STAT5A: variants seen among roughly 807,000 people sequenced by gnomAD.
STAT5A encodes epididymis secretory sperm binding protein.
In STAT5A, 26 loss-of-function variants were observed where a neutral mutation model predicts 100.2. That is an observed-to-expected ratio of 0.26 (90% CI 0.19 to 0.36). STAT5A has a LOEUF of 0.36. Among genes scored for constraint, STAT5A ranks in the 10% least tolerant of loss-of-function variants. The pLI is 1.00. For synonymous variants in STAT5A, 330 were observed against 424.3 expected, an observed-to-expected ratio of 0.78 and a Z score of 2.73; for missense variants, 634 against 1,027.5, an observed-to-expected ratio of 0.62 and a Z score of 5.24.
chr17:42,307,723 C>T lies in STAT5A; in HGVS notation c.1906C>T (p.Pro636Ser), dbSNP rs140676473. ...GITIAWKFDS[P>S]ERNLWNLKPF... ...CACCATCGCCTGGAAGTTTGACTCCCGTGAGTGCCCGTTTTGCCCACACTC... is the reference window on the plus strand; with the variant it reads ...CACCATCGCCTGGAAGTTTGACTCCTGTGAGTGCCCGTTTTGCCCACACTC... Residue 636 changes from proline to serine, a missense_variant and splice_region_variant, in exon 15 of 19, where the codon CCG becomes TCG. Coordinates refer to ENST00000590949, the MANE Select transcript of STAT5A (RefSeq NM_001288718.2). 5.0e-6 allele frequency: 8 copies of T among 1,613,482 alleles called. No individual in the cohort carries two copies. Among genetic ancestry groups the T allele is most frequent in the East Asian group, 2.2e-5 (1 of 44,880 alleles).
In STAT5A at chr17:42,301,285, A is replaced by C. The variant is rs756477925; in HGVS notation, c.1000A>C (p.Ile334Leu). 3 of 1,613,470 alleles carry C rather than the reference A, an allele frequency of 1.9e-6. No homozygotes were observed. In the East Asian group the frequency reaches 6.7e-5, roughly 36 times the overall value. ...CTGTGTCCCATGCAGCACATTCATC[A>C]TTGAGAAGCAGCCTCCTCAGGTCCT... ...ISALVTSTFI[I>L]EKQPPQVLKT... is the part of the protein sequence containing the mutation. Residue 334 changes from isoleucine (I) to leucine (L), a missense_variant, in exon 9 of 19, where the codon ATT becomes CTT. Ile to Leu is a conservative substitution (Grantham distance 5). Around this residue, in one of 5 missense-constraint regions of STAT5A, gnomAD observed 98 missense variants for 149.7 expected, o/e 0.65. Coordinates refer to ENST00000590949, the MANE Select transcript of STAT5A (RefSeq NM_001288718.2).
Position 42,304,638 on chromosome 17 carries a change from G to A in STAT5A, c.1366G>A (p.Val456Met). ...GTTCAGTGTTGGCAGCAATGAGCTT[G>A]TGTTCCAGGTGAAGGTGAGACCCCC... The part of the protein sequence containing the change: ...SQFSVGSNEL[V>M]FQVKTLSLPV... The change falls in exon 11 of 19, where the codon GTG (valine) becomes ATG (methionine). Residue 456 changes from valine (V) to methionine (M), a missense_variant. By Grantham distance (21) the Val-to-Met change is conservative. Coordinates refer to ENST00000590949, the MANE Select transcript of STAT5A (RefSeq NM_001288718.2). The surrounding 1 kb of genome is among the most constrained non-coding windows in gnomAD (Gnocchi z 4.8). 3 of 1,614,184 alleles carry A rather than the reference G, an allele frequency of 1.9e-6. No individual in the cohort carries two copies. The highest frequency in any genetic ancestry group is 2.5e-6 in the Non-Finnish European group (3 of 1,180,034).
intron 18 of STAT5A, 140 bp downstream of exon 18, chr17:42,309,624 CAG>C (rs988705515): frequency 1.2e-6 from 1 of 816,474 alleles, no homozygotes; most frequent in Non-Finnish European, 1.9e-6. Context: ...GCCAGGAAAA[CAG>C]AGCATTTTGA....
rs2081051205 is a variant in STAT5A, at chr17:42,308,530, AGCTCTCTTCTCT to A, written c.2062+200_2062+211del. 1.6e-5 allele frequency: 11 copies of A among 684,362 alleles called. No homozygotes were observed. The highest frequency in any genetic ancestry group is 2.4e-5 in the Non-Finnish European group (10 of 415,502). The allele number at this position is 684,362 out of a possible 1,614,324, so 42.4% of individuals were successfully genotyped here. On this transcript the variant is annotated intron_variant, in intron 16 of 18. Transcript: ENST00000590949. This position sits in a 1 kb window ranked among gnomAD's most constrained non-coding sequence, Gnocchi z 4.6. ...GGAGAGGGAACGAGAAACCCGTCCC[AGCTCTCTTCTCT>A]GCAAAGTGAAAGCTGCATGGATTCT...
Position 42,310,587 on chromosome 17 carries a change from T to TA in STAT5A, c.2304dup (p.Arg769ThrfsTer8). ...GTGGCCAGGCACGTGGAGGAACTCT[T>TA]ACGCCGACCAATGGACAGTCTTGAC... is the stretch of plus-strand genomic sequence containing the variant. On this transcript the variant is annotated frameshift_variant, in exon 19 of 19. Transcript: ENST00000590949. LOFTEE classifies it low-confidence loss of function (END_TRUNC). 3 of 1,614,248 alleles carry TA rather than the reference T, an allele frequency of 1.9e-6. No homozygotes were observed. The highest frequency in any genetic ancestry group is 2.5e-6 in the Non-Finnish European group (3 of 1,180,046).
chr17:42,306,797 G>A lies in STAT5A; in HGVS notation c.1680+350G>A, dbSNP rs190389943. Among the ~76,000 whole-genome samples the A allele has an allele frequency of 1.4e-4, 21 of 151,912 alleles. No individual in the cohort carries two copies. In the East Asian group the frequency reaches 3.9e-3, roughly 28 times the overall value. Reference sequence around the variant, plus strand: ...TGCAGTGGCGTGATTTCAGCTTACTGTAACCTCTGCCTCCCGGGTTCAAGT... The same window carrying A: ...TGCAGTGGCGTGATTTCAGCTTACTATAACCTCTGCCTCCCGGGTTCAAGT... On this transcript the variant is annotated intron_variant, in intron 13 of 18. Transcript: ENST00000590949.
At position 42,306,005 on chromosome 17, in the gene STAT5A, C is replaced by A; in HGVS notation, c.1474-236C>A. 1 of 692,744 alleles carries A rather than the reference C, an allele frequency of 1.4e-6. No homozygotes were observed. The highest frequency in any genetic ancestry group is 2.4e-6 in the Non-Finnish European group (1 of 418,396). 42.9% of individuals were successfully genotyped at this position (692,744 alleles called of 1,614,324 possible). Reference sequence around the variant, plus strand: ...TGCTCTCTGTTTTCTGTTTCCTGGTCTGCATCTCTGTCCCTGCATGCCCCC... The same window carrying A: ...TGCTCTCTGTTTTCTGTTTCCTGGTATGCATCTCTGTCCCTGCATGCCCCC... On this transcript the variant is annotated intron_variant, in intron 12 of 18. Coordinates refer to ENST00000590949, the MANE Select transcript of STAT5A (RefSeq NM_001288718.2).
At chr17:42,298,960 G>GGTCT (rs747788020) in intron 5 of STAT5A, among the ~76,000 whole-genome samples, 1 of 151,844 alleles carries the variant, frequency 6.6e-6, no homozygotes, top group African/African-American at 2.4e-5. Context: ...CTCCCTCTGC[G>GGTCT]GTCTGTCTAT....
chr17:42,296,305 G>A (rs1019814786), intron 5 of STAT5A, among the ~76,000 whole-genome samples: 1 of 152,106 alleles, frequency 6.6e-6, no homozygotes, highest in Non-Finnish European at 1.5e-5. Flanking sequence ...TGAGCCTCAC[G>A]GATAGGATGT....
At chr17:42,306,472 C>T (rs1201119831) in intron 13 of STAT5A, 25 bp downstream of exon 13, 1 of 1,589,840 alleles carries the variant, frequency 6.3e-7, no homozygotes, top group Non-Finnish European at 8.6e-7. Flanking sequence ...TGCCAGCCGC[C>T]CACCAGGGCC....
chr17:42,310,070 TACCC>T (rs1886859933), intron 18 of STAT5A, among the ~76,000 whole-genome samples: 1 of 152,200 alleles, frequency 6.6e-6, no homozygotes, highest in African/African-American at 2.4e-5. Flanking sequence ...ACGGGGTCAA[TACCC>T]ACTCTCCAGT....
chr17:42,307,220 T>C (rs1195819443), intron 13 of STAT5A, among the ~76,000 whole-genome samples, 182 bp from the exon 14 acceptor site: 1 of 152,154 alleles, frequency 6.6e-6, no homozygotes, highest in Non-Finnish European at 1.5e-5. Context: ...GAAGTGAGTT[T>C]CCTCTCTGTT....
At chr17:42,289,661 G>A (rs2080850850) in intron 2 of STAT5A, 122 bp downstream of exon 2, 1 of 1,458,568 alleles carries the variant, frequency 6.9e-7, no homozygotes, top group Non-Finnish European at 9.1e-7. Context: ...TTGTGCGGAA[G>A]GGGTGGTGCC....
chr17:42,309,299 C>G (rs2081058143), intron 17 of STAT5A, 78 bp from the exon 18 acceptor site: 1 of 1,558,236 alleles, frequency 6.4e-7, no homozygotes. Context: ...GAAAGACAAA[C>G]ATGCCCCTCG....
chr17:42,303,874 T>C (rs537513428), intron 9 of STAT5A, among the ~76,000 whole-genome samples: 3 of 151,658 alleles, frequency 2.0e-5, no homozygotes, highest in African/African-American at 7.3e-5. Flanking sequence ...CTAAGAGTGT[T>C]TGGGGTGACA....
chr17:42,309,224 G>A (rs1367197825), intron 17 of STAT5A, 126 bp downstream of exon 17: 3 of 1,563,986 alleles, frequency 1.9e-6, no homozygotes, highest in African/African-American at 2.7e-5. Flanking sequence ...CCTGGGGAGG[G>A]AGTCCCCTCT....
upstream of STAT5A, chr17:42,288,482 C>T (rs1598351815): frequency 6.5e-6 from 1 of 152,818 alleles, no homozygotes; most frequent in Non-Finnish European, 1.5e-5. This position sits in a 1 kb window ranked among gnomAD's most constrained non-coding sequence, Gnocchi z 4.8. Context: ...AATCGCTGCT[C>T]TCCGCTCCTT....
Position 42,308,147 on chromosome 17 carries a change from G to C in STAT5A, c.1907-31G>C. On this transcript the variant is annotated intron_variant, in intron 15 of 18. Coordinates refer to ENST00000590949, the MANE Select transcript of STAT5A (RefSeq NM_001288718.2). This position sits in a 1 kb window ranked among gnomAD's most constrained non-coding sequence, Gnocchi z 4.6. ...AACCTTGGTCCTCCTGCTGCTGGTG[G>C]ATTATGGGAATGAGGCTGTTCTTTT... is the stretch of plus-strand genomic sequence containing the variant. 1 of 1,608,692 alleles carries C rather than the reference G, an allele frequency of 6.2e-7. No homozygotes were observed. The highest frequency in any genetic ancestry group is 8.5e-7 in the Non-Finnish European group (1 of 1,175,900).
rs1403616506 is a variant in STAT5A, at chr17:42,308,524, C to T, written c.2062+191C>T. The T allele has an allele frequency of 1.3e-5, 9 of 700,378 alleles. No homozygotes were observed. The East Asian group carries it at 1.4e-4, about 11-fold the overall frequency. The allele number at this position is 700,378 out of a possible 1,614,324, so 43.4% of individuals were successfully genotyped here. The stretch of plus-strand genomic sequence containing the variant: ...AAATGAGGAGAGGGAACGAGAAACC[C>T]GTCCCAGCTCTCTTCTCTGCAAAGT... On this transcript the variant is annotated intron_variant, in intron 16 of 18. Transcript: ENST00000590949. This position sits in a 1 kb window ranked among gnomAD's most constrained non-coding sequence, Gnocchi z 4.6.
Sources: allele counts gnomAD v4.1 joint callset (sites outside exome capture counted in the v4.1 genomes callset), GRCh38; gene constraint gnomAD v4.1.1; regional missense constraint gnomAD v4.1.1; non-coding constraint Gnocchi (gnomAD v3.1); transcripts MANE v1.5; gene names NCBI Gene and HGNC (gene_info 2026-07-23, HGNC 2026-07-21).